Variants in MGAT3 observed in about 807,000 individuals in gnomAD.
The protein encoded by MGAT3 is GlcNAc-T III.
MGAT3 carries 9 observed loss-of-function variants against 29.8 expected under a neutral mutation model. The ratio of observed to expected loss-of-function variants is 0.30; its 90% CI spans 0.18 to 0.53. The LOEUF is 0.53. MGAT3 is among the 20% of genes least tolerant of loss of function. MGAT3 has a pLI of 0.96. For synonymous variants in MGAT3, 397 were observed against 348.9 expected (o/e 1.14, Z -1.54); for missense variants, 557 against 769.5 (o/e 0.72, Z 3.27).
At chr22:39,458,835 C>T (rs187462632) in intron 1 of MGAT3, among the ~76,000 whole-genome samples, 17 of 152,210 alleles carry the variant, frequency 1.1e-4, no homozygotes, top group African/African-American at 3.9e-4. Flanking sequence ...ACTGTGGGTG[C>T]CCCCTGGAAG....
Position 39,489,059 on chromosome 22 carries a change from T to TGGGTTGGGG in MGAT3, c.*113_*114insTTGGGGGGG. ...GGTTCTTGAGGGGACCAGGAGTGGG[T>TGGGTTGGGG]GGGGAGTGGGGGTGGGGGTAGGGTT... is the stretch of plus-strand genomic sequence containing the variant. On this transcript the variant is annotated 3_prime_UTR_variant, in exon 2 of 2. Coordinates refer to ENST00000341184, the MANE Select transcript of MGAT3 (RefSeq NM_002409.5). 1 of 431,768 alleles carries TGGGTTGGGG rather than the reference T, an allele frequency of 2.3e-6. No individual in the cohort carries two copies. The highest frequency in any genetic ancestry group is 3.8e-6 in the Non-Finnish European group (1 of 259,918). 26.7% of individuals were successfully genotyped at this position (431,768 alleles called of 1,614,324 possible).
intron 1 of MGAT3, among the ~76,000 whole-genome samples, chr22:39,469,960 C>G (rs1248784936): frequency 6.6e-6 from 1 of 152,258 alleles, no homozygotes; most frequent in Non-Finnish European, 1.5e-5. Context: ...CCTGCACCCC[C>G]AAACCGGAGG....
At chr22:39,472,131 A>AG (rs1928829135) in intron 1 of MGAT3, among the ~76,000 whole-genome samples, 1 of 152,142 alleles carries the variant, frequency 6.6e-6, no homozygotes, top group Admixed American at 6.5e-5. Flanking sequence ...TGCCTTGCTA[A>AG]GGGTGGACCC....
Position 39,474,428 on chromosome 22 carries a change from G to A in MGAT3, c.-1-12919G>A, listed in dbSNP as rs576787240. Among the ~76,000 whole-genome samples, 6 of 152,346 alleles carry A rather than the reference G, an allele frequency of 3.9e-5. No individual in the cohort carries two copies. In the East Asian group the frequency reaches 1.2e-3, roughly 29 times the overall value. ...TGAGAAGCCCCAAGGCCGCAGGTGG[G>A]TGTGGACTCTGCTGCTGTCACTTGC... On this transcript the variant is annotated intron_variant, in intron 1 of 1. Coordinates refer to ENST00000341184, the MANE Select transcript of MGAT3 (RefSeq NM_002409.5).
chr22:39,489,414 T>A lies in MGAT3; in HGVS notation c.*465T>A. The A allele has an allele frequency of 5.2e-6, 1 of 191,958 alleles. No individual in the cohort carries two copies. Among genetic ancestry groups the A allele is most frequent in the Admixed American group, 5.5e-5 (1 of 18,182 alleles). The allele number at this position is 191,958 out of a possible 1,614,324, so 11.9% of individuals were successfully genotyped here. On this transcript the variant is annotated 3_prime_UTR_variant, in exon 2 of 2. Coordinates refer to ENST00000341184, the MANE Select transcript of MGAT3 (RefSeq NM_002409.5). ...GAGGACCCAGGGCTCTGTAAGTAGATGCATTTGGGTCCAGGAGGAAGCGTG... is the reference window on the plus strand; with the variant it reads ...GAGGACCCAGGGCTCTGTAAGTAGAAGCATTTGGGTCCAGGAGGAAGCGTG...
At position 39,489,337 on chromosome 22, in the gene MGAT3, A is replaced by G. The variant is rs755118709; in HGVS notation, c.*388A>G. The G allele has an allele frequency of 7.0e-5, 18 of 257,166 alleles. No individual in the cohort carries two copies. Among genetic ancestry groups the G allele is most frequent in the Non-Finnish European group, 1.3e-4 (16 of 124,452 alleles). The allele number at this position is 257,166 out of a possible 1,614,324, so 15.9% of individuals were successfully genotyped here. ...GGGTGGCCAGGCCGGGAAAAAGCCC[A>G]CCATTTGGCATCCCTGGGCCTTGGG... On this transcript the variant is annotated 3_prime_UTR_variant, in exon 2 of 2. Transcript: ENST00000341184.
chr22:39,464,282 G>A lies in MGAT3; in HGVS notation c.-2+6725G>A, dbSNP rs758552196. ...TACCTGGGGCCTGGCACATGGTTGT[G>A]GCAAATTGTGGTGGGTGAGTGATGG... On this transcript the variant is annotated intron_variant, in intron 1 of 1. Transcript: ENST00000341184. Among the ~76,000 whole-genome samples the A allele has an allele frequency of 2.0e-5, 3 of 152,294 alleles. No homozygotes were observed. In the East Asian group the frequency reaches 5.8e-4, roughly 29 times the overall value.
intron 1 of MGAT3, among the ~76,000 whole-genome samples, chr22:39,475,214 T>C (rs1928922948): frequency 6.7e-6 from 1 of 150,122 alleles, no homozygotes; most frequent in South Asian, 2.1e-4. Context: ...ATTGAAAAGC[T>C]GGGAGCATCT....
rs567699682 is a variant in MGAT3, at chr22:39,489,771, G to A, written c.*822G>A. On this transcript the variant is annotated 3_prime_UTR_variant, in exon 2 of 2. Coordinates refer to ENST00000341184, the MANE Select transcript of MGAT3 (RefSeq NM_002409.5). ...TGCAAGGCCAAGAGTCCAGTTGTAG[G>A]TGTGGCCTTGAGGGGGAAGTGGGGA... 3 of 167,602 alleles carry A rather than the reference G, an allele frequency of 1.8e-5. No individual in the cohort carries two copies. Among genetic ancestry groups the A allele is most frequent in the Admixed American group, 6.5e-5 (1 of 15,310 alleles). The allele number at this position is 167,602 out of a possible 1,614,324, so 10.4% of individuals were successfully genotyped here.
Position 39,491,748 on chromosome 22 carries a change from G to T in MGAT3, c.*2799G>T, listed in dbSNP as rs959388239. The stretch of plus-strand genomic sequence containing the variant: ...ATTTGGTGGGGGCAGAAGAACCCAG[G>T]GCCACTCCCTCAATATGAAGGGAAA... On this transcript the variant is annotated 3_prime_UTR_variant, in exon 2 of 2. Coordinates refer to ENST00000341184, the MANE Select transcript of MGAT3 (RefSeq NM_002409.5). The surrounding 1 kb of genome is among the most constrained non-coding windows in gnomAD (Gnocchi z 5.5). 5.4e-5 allele frequency: 9 copies of T among 167,138 alleles called. No individual in the cohort carries two copies. The highest frequency in any genetic ancestry group is 2.2e-4 in the African/African-American group (9 of 41,404). The allele number at this position is 167,138 out of a possible 1,614,324, so 10.4% of individuals were successfully genotyped here.
In MGAT3 at chr22:39,487,612, G is replaced by T. The variant is rs1054415478; in HGVS notation, c.265G>T (p.Ala89Ser). 2.5e-6 allele frequency: 4 copies of T among 1,611,662 alleles called. No individual in the cohort carries two copies. The highest frequency in any genetic ancestry group is 3.4e-6 in the Non-Finnish European group (4 of 1,179,298). Residue 89 changes from alanine (A) to serine (S), a missense_variant, in exon 2 of 2, where the codon GCG becomes TCG. Ala to Ser is a moderately conservative substitution (Grantham distance 99, BLOSUM62 1). This residue lies in a region of MGAT3 where 212 missense variants were observed against 228.5 expected (regional missense o/e 0.93). Coordinates refer to ENST00000341184, the MANE Select transcript of MGAT3 (RefSeq NM_002409.5). This position sits in a 1 kb window ranked among gnomAD's most constrained non-coding sequence, Gnocchi z 5.7. ...GCTGCAGCCGCTGCCGCCCAGCAAG[G>T]CGGCCGAGGAGCTCCACCGGGTGGA... ...PLLQPLPPSK[A>S]AEELHRVDLV...
intron 1 of MGAT3, among the ~76,000 whole-genome samples, chr22:39,459,112 C>T (rs953464299): frequency 1.5e-4 from 22 of 150,106 alleles, no homozygotes; most frequent in South Asian, 1.0e-3. Flanking sequence ...CTCACTCTGT[C>T]GCCCAGGCTG....
intron 1 of MGAT3, among the ~76,000 whole-genome samples, chr22:39,467,073 A>G (rs1046756469): frequency 2.0e-5 from 3 of 152,248 alleles, no homozygotes; most frequent in Non-Finnish European, 4.4e-5. Context: ...TGTTTTGTGC[A>G]TGCTACATGT....
chr22:39,469,928 G>A (rs1463554515), intron 1 of MGAT3, among the ~76,000 whole-genome samples: 1 of 152,256 alleles, frequency 6.6e-6, no homozygotes, highest in African/African-American at 2.4e-5. Context: ...CGCCTGTCAG[G>A]TGTGGGAACT....
intron 1 of MGAT3, among the ~76,000 whole-genome samples, chr22:39,465,497 T>C (rs1022650002): frequency 4.6e-5 from 7 of 152,216 alleles, no homozygotes; most frequent in African/African-American, 1.7e-4. Context: ...CTTTGTTAAT[T>C]GTAGAACGCT....
In MGAT3 at chr22:39,487,023, C is replaced by G. The variant is rs1161705547; in HGVS notation, c.-1-324C>G. 2.0e-5 allele frequency among the ~76,000 whole-genome samples: 3 copies of G among 152,150 alleles called. No homozygotes were observed. Among genetic ancestry groups the G allele is most frequent in the Non-Finnish European group, 4.4e-5 (3 of 68,036 alleles). ...AGCTTTTCCCAAGGCGCATGTTACT[C>G]CTGGAGCCAAGCCTAGCAGTGCAGC... is the stretch of plus-strand genomic sequence containing the variant. On this transcript the variant is annotated intron_variant, in intron 1 of 1. Transcript: ENST00000341184. The surrounding 1 kb of genome is among the most constrained non-coding windows in gnomAD (Gnocchi z 5.7).
intron 1 of MGAT3, among the ~76,000 whole-genome samples, chr22:39,466,580 C>G (rs964753520): frequency 3.9e-5 from 6 of 152,234 alleles, no homozygotes; most frequent in Non-Finnish European, 5.9e-5. Flanking sequence ...ATACTGGTCC[C>G]CTGCCCTCCT....
intron 1 of MGAT3, among the ~76,000 whole-genome samples, chr22:39,471,673 C>T (rs777566788): frequency 5.9e-5 from 9 of 152,134 alleles, no homozygotes; most frequent in Non-Finnish European, 1.2e-4. Flanking sequence ...CACAGGGCAT[C>T]GGTTCTATTC....
In MGAT3 at chr22:39,488,387, C is replaced by T. The variant is rs1929351059; in HGVS notation, c.1040C>T (p.Ser347Leu). Residue 347 changes from serine to leucine, a missense_variant, in exon 2 of 2, where the codon TCG becomes TTG. Around this residue, in one of 3 missense-constraint regions of MGAT3, gnomAD observed 243 missense variants for 444.0 expected, o/e 0.55. Coordinates refer to ENST00000341184, the MANE Select transcript of MGAT3 (RefSeq NM_002409.5). ...CCCTTCGCCTTCCACATGCGCAAGTCGCTCTACGGCTTCTTCTGGAAGCAG... is the reference window on the plus strand; with the variant it reads ...CCCTTCGCCTTCCACATGCGCAAGTTGCTCTACGGCTTCTTCTGGAAGCAG... The part of the protein sequence containing the change: ...TEPFAFHMRK[S>L]LYGFFWKQPG... The T allele has an allele frequency of 6.2e-7, 1 of 1,612,880 alleles. No individual in the cohort carries two copies. The highest frequency in any genetic ancestry group is 1.7e-5 in the Admixed American group (1 of 60,028).
Sources: gnomAD v4.1 joint callset for allele counts (sites outside exome capture counted in the v4.1 genomes callset) on GRCh38, gnomAD v4.1.1 for gene constraint, gnomAD v4.1.1 regional missense constraint, Gnocchi (gnomAD v3.1) non-coding constraint, MANE v1.5 for transcripts, NCBI Gene and HGNC (gene_info 2026-07-23, HGNC 2026-07-21) for gene names.